Variants in MYO5C observed in about 807,000 individuals in gnomAD.
The protein encoded by MYO5C is unconventional myosin-Vc.
A neutral mutation model predicts 235.7 loss-of-function variants in MYO5C; 194 were observed. That is an observed-to-expected ratio of 0.82 (90% CI 0.73 to 0.93). The LOEUF is 0.93. Among genes scored for constraint, MYO5C ranks in the 40% least tolerant of loss-of-function variants. The probability of loss-of-function intolerance (pLI) is 0.00; values close to 1 mark genes in which losing one functional copy is unlikely to be tolerated. For synonymous variants in MYO5C, 707 were observed against 754.8 expected (o/e 0.94, Z 1.04); for missense variants, 2,038 against 2,127.2 (o/e 0.96, Z 0.82).
At chr15:52,252,707 G>A (rs181564988) in intron 12 of MYO5C, among the ~76,000 whole-genome samples, 45 of 152,064 alleles carry the variant, frequency 3.0e-4, no homozygotes, top group Admixed American at 7.2e-4. Context: ...CTCAGGAAGC[G>A]GAGGTTGCAG....
chr15:52,201,056 A>G (rs2035176850), intron 38 of MYO5C, among the ~76,000 whole-genome samples: 1 of 152,198 alleles, frequency 6.6e-6, no homozygotes, highest in Non-Finnish European at 1.5e-5. Flanking sequence ...ACAATAACAA[A>G]AAGTCTTTAA....
intron 28 of MYO5C, among the ~76,000 whole-genome samples, chr15:52,224,136 A>G (rs1414952138): frequency 6.6e-6 from 1 of 152,154 alleles, no homozygotes; most frequent in African/African-American, 2.4e-5. Context: ...TACAAAAATT[A>G]GCCAGGTGTG....
intron 1 of MYO5C, among the ~76,000 whole-genome samples, chr15:52,294,850 G>A (rs1386981692): frequency 6.6e-6 from 1 of 152,200 alleles, no homozygotes; most frequent in African/African-American, 2.4e-5. Flanking sequence ...GAATGCTCTA[G>A]TGTTTCCCAG....
At chr15:52,220,018 T>G (rs574794398) in intron 30 of MYO5C, among the ~76,000 whole-genome samples, 196 bp from the exon 31 acceptor site, 3 of 152,196 alleles carry the variant, frequency 2.0e-5, no homozygotes, top group Non-Finnish European at 4.4e-5. Context: ...GCTGATGAGC[T>G]GAAAAACAAA....
At chr15:52,216,597 A>C (rs2035558605) in intron 32 of MYO5C, among the ~76,000 whole-genome samples, 1 of 151,410 alleles carries the variant, frequency 6.6e-6, no homozygotes, top group African/African-American at 2.4e-5. Context: ...GATTACTAAA[A>C]GTTTTTTTTT....
chr15:52,240,260 C>G, intron 20 of MYO5C, among the ~76,000 whole-genome samples: 1 of 151,518 alleles, frequency 6.6e-6, no homozygotes, highest in African/African-American at 2.4e-5. Context: ...AGATACTTGT[C>G]ATATTCAACA....
chr15:52,280,472 G>A (rs2037142760), intron 2 of MYO5C, among the ~76,000 whole-genome samples: 1 of 152,244 alleles, frequency 6.6e-6, no homozygotes, highest in South Asian at 2.1e-4. Context: ...CCTTTCCAAT[G>A]TCAGAGTATT....
chr15:52,229,128 T>A lies in MYO5C; in HGVS notation c.3207+5A>T, dbSNP rs2035893556. The A allele has an allele frequency of 6.2e-7, 1 of 1,613,824 alleles. No individual in the cohort carries two copies. The stretch of plus-strand genomic sequence containing the variant: ...GGGCGGGGCTGAACGTGAGAGCCGC[T>A]CTACCTTGACCTGCTTGCTCAGGCG... On this transcript the variant is annotated splice_donor_5th_base_variant and intron_variant, in intron 25 of 40. Coordinates refer to ENST00000261839, the MANE Select transcript of MYO5C (RefSeq NM_018728.4).
At chr15:52,290,728 C>A (rs1031908176) in intron 1 of MYO5C, among the ~76,000 whole-genome samples, 26 of 151,352 alleles carry the variant, frequency 1.7e-4, no homozygotes, top group African/African-American at 6.3e-4. Context: ...AAACAAAACA[C>A]ATGTATCAAA....
chr15:52,272,954 C>T (rs2036958699), intron 5 of MYO5C, among the ~76,000 whole-genome samples: 1 of 152,144 alleles, frequency 6.6e-6, no homozygotes, highest in Non-Finnish European at 1.5e-5. Context: ...CTGGGGAGGA[C>T]CAGAAAGAGC....
In MYO5C at chr15:52,282,884, C is replaced by T; in HGVS notation, c.36G>A (p.Arg12=). The change falls in exon 2 of 41, where the codon AGG becomes AGA. Residue 12 remains arginine (R), a synonymous_variant. Coordinates refer to ENST00000261839, the MANE Select transcript of MYO5C (RefSeq NM_018728.4). ...CTTCTTCAGGATCGGGAATCCAGAC[C>T]CTGTTGTACTGACCAACAGGATGAG... is the stretch of plus-strand genomic sequence containing the variant. ...AVAELYTQYN[R]VWIPDPEEVW... 6.2e-7 allele frequency: 1 copy of T among 1,608,976 alleles called. No individual in the cohort carries two copies. The highest frequency in any genetic ancestry group is 8.5e-7 in the Non-Finnish European group (1 of 1,175,310).
intron 34 of MYO5C, 68 bp from the exon 35 acceptor site, chr15:52,211,952 TA>T: frequency 6.5e-7 from 1 of 1,527,696 alleles, no homozygotes; most frequent in South Asian, 1.2e-5. Context: ...AACTTGTGAC[TA>T]GGGGCAGGGG....
intron 16 of MYO5C, among the ~76,000 whole-genome samples, chr15:52,246,436 T>C (rs1229998170): frequency 6.6e-6 from 1 of 152,152 alleles, no homozygotes; most frequent in Non-Finnish European, 1.5e-5. Context: ...TGGTGACCCA[T>C]ACACACACTC....
rs1566972083 is a variant in MYO5C, at chr15:52,233,298, TTAAAAAAAA to T, written c.2963-622_2963-614del. Among the ~76,000 whole-genome samples the T allele has an allele frequency of 3.7e-3, 526 of 141,542 alleles. 121 individuals are homozygous for T. Among genetic ancestry groups the T allele is most frequent in the African/African-American group, 0.014 (509 of 35,246 alleles). 92.9% of individuals were successfully genotyped at this position (141,542 alleles called of 152,430 possible). ...CGTCTCAAAAAAAAAAAAAAAAAAA[TTAAAAAAAA>T]AAAAAAATAAATAAATAAATAGAAA... is the stretch of plus-strand genomic sequence containing the variant. On this transcript the variant is annotated intron_variant, in intron 23 of 40. Transcript: ENST00000261839.
intron 7 of MYO5C, among the ~76,000 whole-genome samples, chr15:52,271,214 A>G (rs902956595): frequency 2.6e-5 from 4 of 152,042 alleles, no homozygotes; most frequent in Non-Finnish European, 4.4e-5. Context: ...CTGGAGGACC[A>G]TAAATACCCA....
intron 10 of MYO5C, 85 bp downstream of exon 10, chr15:52,260,777 A>G (rs2036676907): frequency 2.1e-6 from 3 of 1,451,606 alleles, no homozygotes; most frequent in Middle Eastern, 1.8e-4. Flanking sequence ...GTGAAATACA[A>G]AAGAACCAGA....
At chr15:52,286,453 A>G (rs1002638096) in intron 1 of MYO5C, among the ~76,000 whole-genome samples, 8 of 152,174 alleles carry the variant, frequency 5.3e-5, no homozygotes, top group Non-Finnish European at 8.8e-5. Flanking sequence ...CCAACAGCTC[A>G]TTGAGAACGG....
intron 14 of MYO5C, 131 bp from the exon 15 acceptor site, chr15:52,247,723 G>A: frequency 1.1e-6 from 1 of 928,064 alleles, no homozygotes; most frequent in Non-Finnish European, 1.6e-6. Flanking sequence ...AACATCTACA[G>A]CCAAATCTCA....
At chr15:52,274,827 T>C (rs1272818360) in intron 5 of MYO5C, among the ~76,000 whole-genome samples, 1 of 152,248 alleles carries the variant, frequency 6.6e-6, no homozygotes, top group Middle Eastern at 3.2e-3. Context: ...TAAATATTCA[T>C]TGAGGATTTT....
Sources: gnomAD v4.1 joint callset for allele counts (sites outside exome capture counted in the v4.1 genomes callset) on GRCh38, gnomAD v4.1.1 for gene constraint, MANE v1.5 for transcripts, NCBI Gene and HGNC (gene_info 2026-07-23, HGNC 2026-07-21) for gene names.